Variants in RETREG1 observed in about 807,000 individuals in gnomAD.
RETREG1 encodes family with sequence similarity 134 member B.
A neutral mutation model predicts 54.8 loss-of-function variants in RETREG1; 44 were observed. That is an observed-to-expected ratio of 0.80 (90% confidence interval 0.63 to 1.03). The LOEUF (loss-of-function observed/expected upper bound fraction) is 1.03. Among genes scored for constraint, RETREG1 ranks in the 50% least tolerant of loss-of-function variants. The pLI is 0.00. For synonymous variants in RETREG1, 217 were observed against 238.5 expected (o/e 0.91, Z 0.83); for missense variants, 554 against 605.1 (o/e 0.92, Z 0.89).
intron 3 of RETREG1, among the ~76,000 whole-genome samples, chr5:16,519,687 T>G (rs1032609524): frequency 2.0e-5 from 3 of 152,176 alleles, no homozygotes; most frequent in Admixed American, 6.5e-5. Flanking sequence ...CCATTCTTGT[T>G]GTGGAAGTAT....
intron 3 of RETREG1, among the ~76,000 whole-genome samples, chr5:16,548,586 A>G (rs1373671284): frequency 6.6e-6 from 1 of 152,216 alleles, no homozygotes; most frequent in Non-Finnish European, 1.5e-5. Context: ...TCCTTACACA[A>G]TAAAAAGAAA....
At chr5:16,476,690 G>A (rs527484484) in intron 8 of RETREG1, among the ~76,000 whole-genome samples, 1 of 148,516 alleles carries the variant, frequency 6.7e-6, no homozygotes, top group South Asian at 2.2e-4. Flanking sequence ...CCTGTAAGTG[G>A]AAGCTGAATA....
chr5:16,528,148 T>C (rs334493), intron 3 of RETREG1, among the ~76,000 whole-genome samples: 17,111 of 152,152 alleles, frequency 0.11, 1,130 homozygotes, highest in African/African-American at 0.16. Flanking sequence ...CACAGCTTAG[T>C]AGTGAAGACA....
chr5:16,573,700 GTT>G lies in RETREG1; in HGVS notation c.321-1600_321-1599del, dbSNP rs11330773. The stretch of plus-strand genomic sequence containing the variant: ...TGGATTCGCTCCAAAGCAGGGAATG[GTT>G]TTTTTTTTTTAATTGGTTTTTTGGG... On this transcript the variant is annotated intron_variant, in intron 1 of 8. Coordinates refer to ENST00000306320, the MANE Select transcript of RETREG1 (RefSeq NM_001034850.3). Among the ~76,000 whole-genome samples the G allele has an allele frequency of 2.5e-4, 34 of 137,498 alleles. 1 individual carries two copies. Among genetic ancestry groups the G allele is most frequent in the African/African-American group, 3.2e-4 (12 of 37,830 alleles). 90.2% of individuals were successfully genotyped at this position (137,498 alleles called of 152,430 possible). A position where few individuals can be genotyped will look rare whatever the true frequency, so the allele number is the denominator to read the frequency against.
At chr5:16,497,216 A>G (rs964820466) in intron 3 of RETREG1, among the ~76,000 whole-genome samples, 3 of 152,208 alleles carry the variant, frequency 2.0e-5, no homozygotes, top group Non-Finnish European at 2.9e-5. Context: ...TCCAGATAAG[A>G]AAGCAGACAC....
intron 3 of RETREG1, among the ~76,000 whole-genome samples, chr5:16,512,951 C>A (rs938053854): frequency 2.0e-5 from 3 of 151,954 alleles, no homozygotes; most frequent in African/African-American, 7.3e-5. Context: ...AGGTAACTGC[C>A]AGGGCCCACT....
intron 1 of RETREG1, among the ~76,000 whole-genome samples, chr5:16,574,989 G>C (rs1742283709): frequency 6.6e-6 from 1 of 152,094 alleles, no homozygotes; most frequent in African/African-American, 2.4e-5. Flanking sequence ...TTGCATTCTG[G>C]TGTTTGCTTG....
chr5:16,499,846 A>G (rs1739629627), intron 3 of RETREG1, among the ~76,000 whole-genome samples: 2 of 152,234 alleles, frequency 1.3e-5, no homozygotes, highest in African/African-American at 2.4e-5. Context: ...AACTGTTCCC[A>G]TATCAGGCAT....
chr5:16,579,252 A>G (rs534712932), intron 1 of RETREG1, among the ~76,000 whole-genome samples: 1 of 152,304 alleles, frequency 6.6e-6, no homozygotes, highest in East Asian at 1.9e-4. Context: ...TCAGGAAGGG[A>G]TCGTCATTAA....
intron 2 of RETREG1, among the ~76,000 whole-genome samples, chr5:16,567,809 A>C (rs1742058592): frequency 6.6e-6 from 1 of 152,068 alleles, no homozygotes; most frequent in African/African-American, 2.4e-5. Context: ...TTAAAAAAGA[A>C]AATTAGCCAA....
intron 3 of RETREG1, among the ~76,000 whole-genome samples, chr5:16,546,284 C>T (rs1242596368): frequency 6.6e-6 from 1 of 152,150 alleles, no homozygotes; most frequent in Non-Finnish European, 1.5e-5. Flanking sequence ...CCTCCCACCC[C>T]AGCCTCCCAA....
chr5:16,521,699 C>T (rs555659024), intron 3 of RETREG1, among the ~76,000 whole-genome samples: 1 of 152,342 alleles, frequency 6.6e-6, no homozygotes, highest in East Asian at 1.9e-4. Flanking sequence ...CAATGCAACA[C>T]AGGAGCAATT....
Position 16,616,792 on chromosome 5 carries a change from G to A in RETREG1, c.180C>T (p.Ala60=), listed in dbSNP as rs1012745104. 7 of 1,528,692 alleles carry A rather than the reference G, an allele frequency of 4.6e-6. No homozygotes were observed. In the African/African-American group the frequency reaches 9.8e-5, roughly 21 times the overall value. The allele number at this position is 1,528,692 out of a possible 1,614,324, so 94.7% of individuals were successfully genotyped here. A position where few individuals can be genotyped will look rare whatever the true frequency, so the allele number is the denominator to read the frequency against. ...AEGAGLQVEE[A]AGRAAAAVTW... is the part of the protein sequence containing the mutation. ...TTACCGCGGCCGCCGCCCGGCCCGCGGCCTCCTCCACCTGCAACCCCGCGC... is the reference window on the plus strand; with the variant it reads ...TTACCGCGGCCGCCGCCCGGCCCGCAGCCTCCTCCACCTGCAACCCCGCGC... Residue 60 remains alanine, a synonymous_variant, in exon 1 of 9, where the codon GCC becomes GCT. Coordinates refer to ENST00000306320, the MANE Select transcript of RETREG1 (RefSeq NM_001034850.3).
At chr5:16,539,866 A>G (rs1430403897) in intron 3 of RETREG1, among the ~76,000 whole-genome samples, 1 of 152,224 alleles carries the variant, frequency 6.6e-6, no homozygotes. Flanking sequence ...AATATAACTG[A>G]ATTGAATGAC....
chr5:16,540,758 A>T lies in RETREG1; in HGVS notation c.458+25005T>A, dbSNP rs1196579487. ...CCTCACACCAGCCACAGGCCTCCCAAGGACCTGAGCACTGAAGGCAACAAG... is the reference window on the plus strand; with the variant it reads ...CCTCACACCAGCCACAGGCCTCCCATGGACCTGAGCACTGAAGGCAACAAG... On this transcript the variant is annotated intron_variant, in intron 3 of 8. Transcript: ENST00000306320. Among the ~76,000 whole-genome samples, 5 of 152,202 alleles carry T rather than the reference A, an allele frequency of 3.3e-5. No individual in the cohort carries two copies. The South Asian group carries it at 6.2e-4, about 19-fold the overall frequency.
At chr5:16,591,515 G>A (rs1366645129) in intron 1 of RETREG1, among the ~76,000 whole-genome samples, 1 of 113,812 alleles carries the variant, frequency 8.8e-6, no homozygotes. Flanking sequence ...ATAACAGGAG[G>A]AACAAAAGAA....
At chr5:16,551,195 A>C (rs1280342596) in intron 3 of RETREG1, among the ~76,000 whole-genome samples, 1 of 152,086 alleles carries the variant, frequency 6.6e-6, no homozygotes, top group Non-Finnish European at 1.5e-5. Flanking sequence ...ACTGTGATTC[A>C]CACTACCTAC....
intron 3 of RETREG1, among the ~76,000 whole-genome samples, chr5:16,542,791 G>A (rs1004577024): frequency 5.3e-5 from 8 of 152,174 alleles, no homozygotes; most frequent in South Asian, 2.1e-4. Flanking sequence ...CTACCTCTAC[G>A]GTGCTTTCAT....
intron 3 of RETREG1, among the ~76,000 whole-genome samples, chr5:16,518,108 A>G: frequency 6.7e-6 from 1 of 148,198 alleles, no homozygotes; most frequent in Middle Eastern, 3.6e-3. Flanking sequence ...TATATAATCA[A>G]TGTATTTACA....
Sources: allele counts gnomAD v4.1 joint callset (sites outside exome capture counted in the v4.1 genomes callset), GRCh38; gene constraint gnomAD v4.1.1; transcripts MANE v1.5; gene names NCBI Gene and HGNC (gene_info 2026-07-23, HGNC 2026-07-21).